ALCAM: variants seen among roughly 807,000 people sequenced by gnomAD.
ALCAM encodes CD166 antigen.
Under a neutral mutation model 70.9 loss-of-function variants are expected in ALCAM, and 30 were observed. The ratio of observed to expected loss-of-function variants is 0.42; its 90% CI spans 0.32 to 0.57. The LOEUF (loss-of-function observed/expected upper bound fraction) is 0.57, where lower values mean the gene tolerates loss of function less well. ALCAM is among the 20% of genes least tolerant of loss of function. ALCAM has a pLI of 0.11. For missense variants in ALCAM, 591 were observed against 695.1 expected, an observed-to-expected ratio of 0.85 and a Z score of 1.68; for synonymous variants, 249 against 242.5, an observed-to-expected ratio of 1.03 and a Z score of -0.25.
intron 1 of ALCAM, among the ~76,000 whole-genome samples, chr3:105,430,864 T>C (rs183011806): frequency 1.0e-3 from 158 of 152,226 alleles, no homozygotes; most frequent in Middle Eastern, 6.8e-3. Flanking sequence ...CCTATCAGTA[T>C]GGACTCATGA....
intron 1 of ALCAM, among the ~76,000 whole-genome samples, chr3:105,462,899 G>C (rs182271382): frequency 9.2e-5 from 14 of 151,384 alleles, no homozygotes; most frequent in Admixed American, 9.2e-4. Context: ...TTCTTATCCA[G>C]GTAGTTTTCC....
chr3:105,525,303 A>G (rs1317921086), intron 3 of ALCAM: 2 of 981,408 alleles, frequency 2.0e-6, no homozygotes, highest in Non-Finnish European at 2.4e-6. Context: ...ATGATAGCAT[A>G]TAGTTAATGT....
In ALCAM at chr3:105,518,607, G is replaced by A. The variant is rs1011254817; in HGVS notation, c.74-1460G>A. On this transcript the variant is annotated intron_variant, in intron 1 of 15. Transcript: ENST00000306107. The stretch of plus-strand genomic sequence containing the variant: ...TTTCTTCATTTACAGTCTTATGCTT[G>A]GTTTGATGTTAAAAGGGATTATAAT... Among the ~76,000 whole-genome samples the A allele has an allele frequency of 4.0e-5, 6 of 151,844 alleles. No homozygotes were observed. The East Asian group carries it at 1.2e-3, about 29-fold the overall frequency.
intron 1 of ALCAM, among the ~76,000 whole-genome samples, chr3:105,428,392 A>G (rs866649043): frequency 1.3e-5 from 2 of 152,062 alleles, no homozygotes; most frequent in Admixed American, 6.6e-5. Context: ...AGATTTTTCT[A>G]AAAGTTCATC....
intron 1 of ALCAM, among the ~76,000 whole-genome samples, chr3:105,504,146 G>A (rs557468621): frequency 6.6e-6 from 1 of 152,246 alleles, no homozygotes; most frequent in African/African-American, 2.4e-5. Flanking sequence ...CCCCTCACAG[G>A]GCATGCGACA....
intron 1 of ALCAM, among the ~76,000 whole-genome samples, chr3:105,505,288 A>G (rs1201179894): frequency 6.6e-6 from 1 of 152,196 alleles, no homozygotes; most frequent in Non-Finnish European, 1.5e-5. Flanking sequence ...AGGAGGCCTC[A>G]GGAAACTTGC....
At chr3:105,380,287 T>C (rs1576121492) in intron 1 of ALCAM, among the ~76,000 whole-genome samples, 1 of 151,998 alleles carries the variant, frequency 6.6e-6, no homozygotes, top group Middle Eastern at 3.4e-3. Context: ...TGAAAGAAGT[T>C]GTTGGGTTGA....
At chr3:105,541,494 C>A in intron 7 of ALCAM, 139 bp from the exon 8 acceptor site, 3 of 859,022 alleles carry the variant, frequency 3.5e-6, no homozygotes, top group South Asian at 2.5e-5. Context: ...GTAACACAAA[C>A]TGTACTCTTT....
chr3:105,516,630 T>C (rs1484145286), intron 1 of ALCAM, among the ~76,000 whole-genome samples: 1 of 152,146 alleles, frequency 6.6e-6, no homozygotes, highest in African/African-American at 2.4e-5. Flanking sequence ...ACACATTTTA[T>C]ATCGTATTGT....
chr3:105,380,652 T>C (rs1304956363), intron 1 of ALCAM, among the ~76,000 whole-genome samples: 5 of 151,930 alleles, frequency 3.3e-5, no homozygotes, highest in Non-Finnish European at 7.4e-5. Context: ...AAATTTGAAA[T>C]GGAAATGATT....
In ALCAM at chr3:105,367,262, G is replaced by T; in HGVS notation, c.-147G>T. ...CGTGCGGCAGAGAACCGAAGGTGCA[G>T]CGCCACAGCCCAGGGGACGGTGTGT... On this transcript the variant is annotated 5_prime_UTR_variant, in exon 1 of 16. Transcript: ENST00000306107. 1 of 718,098 alleles carries T rather than the reference G, an allele frequency of 1.4e-6. No homozygotes were observed. The allele number at this position is 718,098 out of a possible 1,614,324, so 44.5% of individuals were successfully genotyped here.
intron 1 of ALCAM, among the ~76,000 whole-genome samples, chr3:105,487,378 A>T (rs1938459599): frequency 6.6e-6 from 1 of 152,166 alleles, no homozygotes; most frequent in Non-Finnish European, 1.5e-5. Context: ...TCCATCTAAT[A>T]GATGGAGTGT....
intron 14 of ALCAM, among the ~76,000 whole-genome samples, chr3:105,561,472 G>C (rs1940630509): frequency 6.6e-6 from 1 of 152,084 alleles, no homozygotes; most frequent in Non-Finnish European, 1.5e-5. Flanking sequence ...AGGGGAAATT[G>C]CTCAATAGTT....
intron 14 of ALCAM, among the ~76,000 whole-genome samples, chr3:105,560,898 C>A (rs1277793697): frequency 6.6e-6 from 1 of 152,096 alleles, no homozygotes; most frequent in Non-Finnish European, 1.5e-5. Context: ...TTTGCATGTT[C>A]ATATAAATTT....
At chr3:105,368,223 A>AAGAGAG (rs5851454) in intron 1 of ALCAM, among the ~76,000 whole-genome samples, 2,779 of 67,776 alleles carry the variant, frequency 0.041, 175 homozygotes, top group Middle Eastern at 0.075. Context: ...TGAGTCTTGG[A>AAGAGAG]AGAGAGAGAG....
chr3:105,458,144 G>A (rs1350805419), intron 1 of ALCAM, among the ~76,000 whole-genome samples: 2 of 151,128 alleles, frequency 1.3e-5, no homozygotes, highest in East Asian at 3.9e-4. Context: ...CTGCAACTAG[G>A]GGCCTCACTT....
chr3:105,575,604 T>A lies in ALCAM; in HGVS notation c.*1153T>A, dbSNP rs1292313007. ...AAATGTCTATGTATCTTTAGTTACA[T>A]TCAAATTTGTAACTTTATAAACATG... is the stretch of plus-strand genomic sequence containing the variant. On this transcript the variant is annotated 3_prime_UTR_variant, in exon 16 of 16. Coordinates refer to ENST00000306107, the MANE Select transcript of ALCAM (RefSeq NM_001627.4). 6.6e-6 allele frequency: 1 copy of A among 152,608 alleles called. No individual in the cohort carries two copies. Among genetic ancestry groups the A allele is most frequent in the Non-Finnish European group, 1.5e-5 (1 of 68,022 alleles). The allele number at this position is 152,608 out of a possible 1,614,324, so 9.5% of individuals were successfully genotyped here.
At chr3:105,508,948 A>G (rs1218814609) in intron 1 of ALCAM, among the ~76,000 whole-genome samples, 4 of 152,114 alleles carry the variant, frequency 2.6e-5, no homozygotes. Context: ...TCTAGATTCC[A>G]CATATAAGTA....
chr3:105,489,606 T>C (rs1486263768), intron 1 of ALCAM, among the ~76,000 whole-genome samples: 1 of 152,228 alleles, frequency 6.6e-6, no homozygotes, highest in African/African-American at 2.4e-5. Context: ...AAAATTGTCA[T>C]CTAAAATGTC....
Sources: allele counts gnomAD v4.1 joint callset (sites outside exome capture counted in the v4.1 genomes callset), GRCh38; gene constraint gnomAD v4.1.1; transcripts MANE v1.5; gene names NCBI Gene and HGNC (gene_info 2026-07-23, HGNC 2026-07-21).